The following ANKRD13C variants were observed in gnomAD, a reference collection of about 807,000 sequenced individuals.
ANKRD13C encodes ankyrin repeat domain-containing protein 13C.
ANKRD13C carries 16 observed loss-of-function variants against 65.5 expected under a neutral mutation model. The observed-to-expected ratio is 0.24, with a 90% CI of 0.17 to 0.37. ANKRD13C has a LOEUF of 0.37. Ranked by LOEUF, ANKRD13C falls within the 10% of genes least tolerant of loss-of-function variation. The pLI is 1.00. For missense variants in ANKRD13C, 503 were observed against 655.9 expected (o/e 0.77, Z 2.55); for synonymous variants, 235 against 238.7 (o/e 0.98, Z 0.14).
At chr1:70,275,660 T>C (rs1679099711) in intron 10 of ANKRD13C, among the ~76,000 whole-genome samples, 1 of 152,038 alleles carries the variant, frequency 6.6e-6, no homozygotes, top group Admixed American at 6.6e-5. Flanking sequence ...TAAATTTTGT[T>C]TAGCACCATA....
intron 3 of ANKRD13C, among the ~76,000 whole-genome samples, chr1:70,318,640 C>G (rs747319738): frequency 4.6e-5 from 7 of 151,520 alleles, no homozygotes; most frequent in Non-Finnish European, 8.8e-5. Flanking sequence ...TATCATTACC[C>G]ATATCCAAGA....
At chr1:70,309,226 A>C (rs565609132) in intron 5 of ANKRD13C, among the ~76,000 whole-genome samples, 1 of 150,832 alleles carries the variant, frequency 6.6e-6, no homozygotes, top group Admixed American at 6.6e-5. Flanking sequence ...GCGCCCCCCT[A>C]CCATGTCCAC....
At chr1:70,286,894 G>A (rs1679646605) in intron 9 of ANKRD13C, among the ~76,000 whole-genome samples, 1 of 152,164 alleles carries the variant, frequency 6.6e-6, no homozygotes, top group African/African-American at 2.4e-5. Flanking sequence ...GCTGAGGCGG[G>A]AGAATTGCTT....
rs34241203 is a variant in ANKRD13C, at chr1:70,262,943, T to TAAAAAAAAA, written c.1496-105_1496-97dup. 2.0e-4 allele frequency: 92 copies of TAAAAAAAAA among 460,532 alleles called. 1 individual carries two copies. Among genetic ancestry groups the TAAAAAAAAA allele is most frequent in the African/African-American group, 8.8e-4 (36 of 40,724 alleles). The allele number at this position is 460,532 out of a possible 1,614,324, so 28.5% of individuals were successfully genotyped here. A position where few individuals can be genotyped will look rare whatever the true frequency, so the allele number is the denominator to read the frequency against. ...GGAGATGTCCATACTCCTTAAAATGTAAAAAAAAAAAAAAAAATACTCAAG... is the reference window on the plus strand; with the variant it reads ...GGAGATGTCCATACTCCTTAAAATGTAAAAAAAAAAAAAAAAAAAAAAAAAATACTCAAG... On this transcript the variant is annotated intron_variant, in intron 12 of 12. Coordinates refer to ENST00000370944, the MANE Select transcript of ANKRD13C (RefSeq NM_030816.5).
chr1:70,284,691 T>C (rs1019227367), intron 9 of ANKRD13C, among the ~76,000 whole-genome samples: 1 of 152,232 alleles, frequency 6.6e-6, no homozygotes, highest in Non-Finnish European at 1.5e-5. Flanking sequence ...ATTAACTTAC[T>C]TAAACCTCAA....
intron 8 of ANKRD13C, chr1:70,293,669 A>C: frequency 4.9e-6 from 2 of 411,062 alleles, no homozygotes; most frequent in Non-Finnish European, 6.6e-6. Context: ...AAGCCAACAA[A>C]TGGACTGCAA....
rs1230648836 is a variant in ANKRD13C, at chr1:70,259,617, T to A, written c.*3100A>T. ...TCTGACATAAAATGCTTTGCAAGAG[T>A]AGTTTTGGCTAATTTATAGTATACA... On this transcript the variant is annotated 3_prime_UTR_variant, in exon 13 of 13. Transcript: ENST00000370944. 6.6e-6 allele frequency among the ~76,000 whole-genome samples: 1 copy of A among 152,110 alleles called. No homozygotes were observed. The highest frequency in any genetic ancestry group is 2.4e-5 in the African/African-American group (1 of 41,402).
intron 12 of ANKRD13C, among the ~76,000 whole-genome samples, chr1:70,270,590 T>A (rs1443812132): frequency 6.6e-6 from 1 of 152,056 alleles, no homozygotes; most frequent in African/African-American, 2.4e-5. Flanking sequence ...GCAACCTAGA[T>A]CCCTCACATG....
intron 12 of ANKRD13C, among the ~76,000 whole-genome samples, chr1:70,270,100 A>G (rs972029353): frequency 6.6e-6 from 1 of 152,234 alleles, no homozygotes; most frequent in African/African-American, 2.4e-5. Context: ...ATGAAATTAA[A>G]CATTTAGGGC....
intron 3 of ANKRD13C, among the ~76,000 whole-genome samples, chr1:70,323,787 C>A (rs757662673): frequency 6.7e-6 from 1 of 148,980 alleles, no homozygotes; most frequent in Non-Finnish European, 1.5e-5. Context: ...TGCAATGGTG[C>A]GATCTCGGCT....
intron 12 of ANKRD13C, among the ~76,000 whole-genome samples, chr1:70,265,508 C>T (rs562278709): frequency 1.2e-4 from 18 of 152,126 alleles, no homozygotes; most frequent in African/African-American, 4.3e-4. Flanking sequence ...GAGACAATTA[C>T]AGATTCACAA....
intron 3 of ANKRD13C, among the ~76,000 whole-genome samples, chr1:70,324,280 T>C (rs1681440436): frequency 6.6e-6 from 1 of 152,168 alleles, no homozygotes; most frequent in African/African-American, 2.4e-5. Flanking sequence ...TGAGATATAC[T>C]TGACAAAAAT....
At chr1:70,301,273 G>T (rs1293684306) in intron 6 of ANKRD13C, among the ~76,000 whole-genome samples, 3 of 151,900 alleles carry the variant, frequency 2.0e-5, no homozygotes, top group African/African-American at 4.8e-5. Context: ...CATATTTGGG[G>T]TATTTCCCTT....
At chr1:70,291,873 C>T (rs1679882527) in intron 9 of ANKRD13C, among the ~76,000 whole-genome samples, 1 of 151,844 alleles carries the variant, frequency 6.6e-6, no homozygotes, top group Non-Finnish European at 1.5e-5. Context: ...AATTCTAGCA[C>T]TTTGGGAGGC....
chr1:70,297,784 G>A (rs1455922994), intron 7 of ANKRD13C, among the ~76,000 whole-genome samples: 3 of 150,170 alleles, frequency 2.0e-5, no homozygotes, highest in Non-Finnish European at 4.4e-5. Flanking sequence ...ATGGTGGCAC[G>A]CGCCTGTAGT....
intron 5 of ANKRD13C, 78 bp from the exon 6 acceptor site, chr1:70,306,368 A>T: frequency 1.2e-6 from 1 of 815,538 alleles, no homozygotes; most frequent in Non-Finnish European, 1.9e-6. Context: ...TTAAAAGAGT[A>T]ATGTGACATT....
In ANKRD13C at chr1:70,348,413, G is replaced by A. The variant is rs908744681; in HGVS notation, c.430+5566C>T. Reference sequence around the variant, plus strand: ...CCCGAGTAGCTAGGATTACAGGTGCGCGCGACCATGCCCGGCTAATGTTTT... The same window carrying A: ...CCCGAGTAGCTAGGATTACAGGTGCACGCGACCATGCCCGGCTAATGTTTT... On this transcript the variant is annotated intron_variant, in intron 1 of 12. Coordinates refer to ENST00000370944, the MANE Select transcript of ANKRD13C (RefSeq NM_030816.5). 4.0e-5 allele frequency among the ~76,000 whole-genome samples: 6 copies of A among 151,890 alleles called. No homozygotes were observed. The South Asian group carries it at 8.3e-4, about 21-fold the overall frequency.
At chr1:70,280,340 A>C (rs992999240) in intron 9 of ANKRD13C, among the ~76,000 whole-genome samples, 2 of 152,174 alleles carry the variant, frequency 1.3e-5, no homozygotes, top group Non-Finnish European at 2.9e-5. Flanking sequence ...AAAGAACAAA[A>C]GAACTGGTTG....
chr1:70,314,476 C>G (rs1043478454), intron 4 of ANKRD13C, among the ~76,000 whole-genome samples: 2 of 151,840 alleles, frequency 1.3e-5, no homozygotes, highest in African/African-American at 4.8e-5. Flanking sequence ...CCACCCGCTT[C>G]GGCCTCCCAA....
Sources: allele counts gnomAD v4.1 joint callset (sites outside exome capture counted in the v4.1 genomes callset), GRCh38; gene constraint gnomAD v4.1.1; transcripts MANE v1.5; gene names NCBI Gene and HGNC (gene_info 2026-07-23, HGNC 2026-07-21).